Variants in UNC13C observed in about 807,000 individuals in gnomAD.
UNC13C encodes the protein protein unc-13 homolog C.
In UNC13C, 174 loss-of-function variants were observed where a neutral mutation model predicts 245.4. The observed-to-expected ratio is 0.71, with a 90% confidence interval of 0.63 to 0.80. The LOEUF is 0.80. UNC13C is among the 30% of genes least tolerant of loss of function. The pLI is 0.00. For synonymous variants in UNC13C, 992 were observed against 895.1 expected (o/e 1.11, Z -1.93); for missense variants, 2,829 against 2,602.9 (o/e 1.09, Z -1.89).
rs372831060 is a variant in UNC13C at position 54,496,359 on chromosome 15, A to G, written c.5060+1625A>G. Among the ~76,000 whole-genome samples, 7 of 152,192 alleles carry G rather than the reference A, an allele frequency of 4.6e-5. 1 individual carries two copies. Among genetic ancestry groups the G allele is most frequent in the East Asian group, 1.9e-4 (1 of 5,184 alleles). On this transcript the variant is annotated intron_variant, in intron 20 of 32. Transcript: ENST00000260323. ...TTTACAGAATTTGTCAACTAAAGACATATGGGGTTAAAAGAAAGAGGAAAG... is the reference window on the plus strand; with the variant it reads ...TTTACAGAATTTGTCAACTAAAGACGTATGGGGTTAAAAGAAAGAGGAAAG...
At chr15:54,331,000 G>C (rs1303727806) in intron 14 of UNC13C, among the ~76,000 whole-genome samples, 2 of 151,950 alleles carry the variant, frequency 1.3e-5, no homozygotes, top group African/African-American at 2.4e-5. Context: ...TGGAGTTTCA[G>C]CTTAGGAACA....
chr15:54,311,907 C>A (rs182732189), intron 13 of UNC13C, among the ~76,000 whole-genome samples: 2 of 151,586 alleles, frequency 1.3e-5, no homozygotes, highest in Non-Finnish European at 3.0e-5. Flanking sequence ...ATAATTTAGT[C>A]AAACAAGAAT....
At chr15:54,484,907 C>G (rs187213905) in intron 19 of UNC13C, among the ~76,000 whole-genome samples, 1 of 152,132 alleles carries the variant, frequency 6.6e-6, no homozygotes, top group Non-Finnish European at 1.5e-5. Context: ...TAATAAAAAA[C>G]TATAAGTAAT....
the UNC13C span, among the ~76,000 whole-genome samples, chr15:53,878,846 C>T: frequency 6.6e-6 from 1 of 151,982 alleles, no homozygotes; most frequent in Admixed American, 6.6e-5. Context: ...ACCAACCAAC[C>T]AAATGAACCT....
Position 54,409,877 on chromosome 15 carries a change from T to G in UNC13C, c.4848-5105T>G, listed in dbSNP as rs1365526793. ...TGTCTTTTTGGTAGAGAGATTTGTTTTGGTTATATTCCCAATAAAGAGATT... is the reference window on the plus strand; with the variant it reads ...TGTCTTTTTGGTAGAGAGATTTGTTGTGGTTATATTCCCAATAAAGAGATT... On this transcript the variant is annotated intron_variant, in intron 18 of 32. Transcript: ENST00000260323. Among the ~76,000 whole-genome samples the G allele has an allele frequency of 2.6e-5, 4 of 152,300 alleles. No individual in the cohort carries two copies. The East Asian group carries it at 5.8e-4, about 22-fold the overall frequency.
Position 54,385,345 on chromosome 15 carries a change from A to G in UNC13C, c.4714-7703A>G, listed in dbSNP as rs189398404. ...AAAGAAAGTATGGTATATATTCATA[A>G]TAGAATACTACTTGACCATAAAAAT... On this transcript the variant is annotated intron_variant, in intron 17 of 32. Transcript: ENST00000260323. Among the ~76,000 whole-genome samples the G allele has an allele frequency of 2.3e-4, 35 of 152,116 alleles. 2 individuals carry two copies. The South Asian group carries it at 6.6e-3, about 29-fold the overall frequency.
intron 32 of UNC13C, 87 bp downstream of exon 32, chr15:54,624,041 T>C: frequency 6.0e-6 from 9 of 1,509,364 alleles, no homozygotes; most frequent in Non-Finnish European, 7.2e-6. Flanking sequence ...TGTGAAGGGC[T>C]AAGGAAAATG....
chr15:54,184,285 C>A (rs181453828), intron 4 of UNC13C, among the ~76,000 whole-genome samples: 39 of 151,930 alleles, frequency 2.6e-4, no homozygotes, highest in Non-Finnish European at 4.9e-4. Context: ...TATTATTATA[C>A]TTTAAGTTTC....
At position 54,014,970 on chromosome 15, in the gene UNC13C, T is replaced by A. The variant is rs1318605742; in HGVS notation, c.2067T>A (p.Asp689Glu). Reference protein sequence around the residue: ...ETNSLFDQQLDVYNKDLEYLG... With the variant: ...ETNSLFDQQLEVYNKDLEYLG... Reference sequence around the variant, plus strand: ...ACAGTCTTTTTGACCAACAGCTTGATGTTTACAATAAAGACCTAGAATACT... The same window carrying A: ...ACAGTCTTTTTGACCAACAGCTTGAAGTTTACAATAAAGACCTAGAATACT... The change falls in exon 2 of 33, where the codon GAT becomes GAA. Residue 689 changes from aspartate (D) to glutamate (E), a missense_variant. Coordinates refer to ENST00000260323, the MANE Select transcript of UNC13C (RefSeq NM_001080534.3). 6.2e-7 allele frequency: 1 copy of A among 1,613,840 alleles called. No homozygotes were observed. The highest frequency in any genetic ancestry group is 1.7e-5 in the Admixed American group (1 of 59,952).
chr15:54,471,327 G>T lies in UNC13C; in HGVS notation c.4934-23281G>T, dbSNP rs541852521. 3.0e-4 allele frequency among the ~76,000 whole-genome samples: 45 copies of T among 151,744 alleles called. 2 individuals are homozygous for T. The South Asian group carries it at 8.9e-3, about 30-fold the overall frequency. ...CCCTACAATGATTGTGTTGCAGTCT[G>T]TGTCTCTCTTCAGATCTCTTAATGA... On this transcript the variant is annotated intron_variant, in intron 19 of 32. Coordinates refer to ENST00000260323, the MANE Select transcript of UNC13C (RefSeq NM_001080534.3).
intron 4 of UNC13C, among the ~76,000 whole-genome samples, chr15:54,180,256 T>A (rs1003801135): frequency 1.3e-5 from 2 of 152,100 alleles, no homozygotes; most frequent in Non-Finnish European, 2.9e-5. Context: ...ACATGACATA[T>A]TTTGTTCTCT....
intron 2 of UNC13C, among the ~76,000 whole-genome samples, chr15:54,027,514 C>T (rs1419469971): frequency 1.3e-5 from 2 of 152,184 alleles, no homozygotes; most frequent in Non-Finnish European, 2.9e-5. Context: ...GGATTACAGG[C>T]ATGTGCCACC....
intron 22 of UNC13C, among the ~76,000 whole-genome samples, chr15:54,501,689 T>G (rs1456402449): frequency 6.6e-6 from 1 of 152,086 alleles, no homozygotes; most frequent in African/African-American, 2.4e-5. Flanking sequence ...AGCTTCAAGC[T>G]TAGTGAGATC....
At chr15:53,948,941 C>T in the UNC13C span, among the ~76,000 whole-genome samples, 5 of 152,106 alleles carry the variant, frequency 3.3e-5, no homozygotes, top group African/African-American at 4.8e-5. Flanking sequence ...TTATTCTTTA[C>T]ACAGGATAAA....
At chr15:54,229,829 C>T (rs1433274939) in intron 4 of UNC13C, among the ~76,000 whole-genome samples, 2 of 152,108 alleles carry the variant, frequency 1.3e-5, no homozygotes, top group African/African-American at 4.8e-5. Context: ...TTCCCTAGTT[C>T]TGAGATCAAC....
chr15:54,352,978 G>C (rs2039017598), intron 17 of UNC13C, among the ~76,000 whole-genome samples: 1 of 152,062 alleles, frequency 6.6e-6, no homozygotes, highest in Admixed American at 6.6e-5. Context: ...TTTGGCAATG[G>C]TGAAAATGGC....
At chr15:54,355,106 G>C (rs974457985) in intron 17 of UNC13C, among the ~76,000 whole-genome samples, 1 of 152,118 alleles carries the variant, frequency 6.6e-6, no homozygotes, top group Admixed American at 6.5e-5. Context: ...CACCAAGAAG[G>C]CCTTCACCAG....
At chr15:54,330,403 C>A (rs925505507) in intron 14 of UNC13C, among the ~76,000 whole-genome samples, 2 of 151,956 alleles carry the variant, frequency 1.3e-5, no homozygotes, top group Non-Finnish European at 2.9e-5. Flanking sequence ...GCACATTTGA[C>A]ATATGATATT....
chr15:54,213,141 G>A (rs890931154), intron 4 of UNC13C, among the ~76,000 whole-genome samples: 1 of 151,882 alleles, frequency 6.6e-6, no homozygotes, highest in Non-Finnish European at 1.5e-5. Context: ...GCTTGTTTTT[G>A]CTTTAGTAAG....
Sources: gnomAD v4.1 joint callset for allele counts (sites outside exome capture counted in the v4.1 genomes callset) on GRCh38, gnomAD v4.1.1 for gene constraint, MANE v1.5 for transcripts, NCBI Gene and HGNC (gene_info 2026-07-23, HGNC 2026-07-21) for gene names.